MYO16: variants seen among roughly 807,000 people sequenced by gnomAD.
MYO16 encodes the protein unconventional myosin-XVI.
MYO16 carries 94 observed loss-of-function variants against 205.3 expected under a neutral mutation model. The observed-to-expected ratio is 0.46, with a 90% CI of 0.39 to 0.54. The LOEUF is 0.54. Ranked by LOEUF, MYO16 falls within the 20% of genes least tolerant of loss-of-function variation. MYO16 has a pLI of 0.00. For missense variants in MYO16, 2,315 were observed against 2,387.5 expected (o/e 0.97, Z 0.63); for synonymous variants, 988 against 954.0 (o/e 1.04, Z -0.66).
At chr13:109,190,593 AC>A (rs1879869283) in intron 34 of MYO16, among the ~76,000 whole-genome samples, 1 of 152,228 alleles carries the variant, frequency 6.6e-6, no homozygotes, top group African/African-American at 2.4e-5. Flanking sequence ...TTATTCCCTA[AC>A]TTTATTAGAT....
intron 34 of MYO16, among the ~76,000 whole-genome samples, chr13:109,204,425 A>C (rs1218079153): frequency 5.3e-5 from 8 of 152,206 alleles, no homozygotes; most frequent in Non-Finnish European, 1.0e-4. Flanking sequence ...AATGAGACTG[A>C]AGGGAATGTA....
At chr13:109,085,650 T>G (rs1177873299) in intron 27 of MYO16, among the ~76,000 whole-genome samples, 1 of 152,200 alleles carries the variant, frequency 6.6e-6, no homozygotes, top group East Asian at 1.9e-4. Context: ...TAAATGATAG[T>G]TTTAACCTTG....
intron 21 of MYO16, among the ~76,000 whole-genome samples, chr13:109,000,315 T>C: frequency 6.6e-6 from 1 of 152,316 alleles, no homozygotes; most frequent in East Asian, 1.9e-4. Flanking sequence ...TCTATATAAT[T>C]TTTAACTCTT....
At chr13:108,878,814 G>C (rs1291651534) in intron 12 of MYO16, among the ~76,000 whole-genome samples, 1 of 152,170 alleles carries the variant, frequency 6.6e-6, no homozygotes, top group Non-Finnish European at 1.5e-5. Flanking sequence ...TAAGGGGTTT[G>C]AGCACACACA....
intron 15 of MYO16, among the ~76,000 whole-genome samples, chr13:108,909,527 G>A (rs1011650418): frequency 2.0e-5 from 3 of 151,700 alleles, no homozygotes; most frequent in African/African-American, 7.3e-5. Flanking sequence ...CTGGCAGTGA[G>A]GGACCATGGT....
intron 4 of MYO16, among the ~76,000 whole-genome samples, chr13:108,762,567 T>C (rs1173010181): frequency 6.6e-6 from 1 of 152,232 alleles, no homozygotes; most frequent in Non-Finnish European, 1.5e-5. Flanking sequence ...TTGACTTGCA[T>C]TTCTCTGATG....
chr13:108,622,286 T>C (rs1172147616), intron 1 of MYO16, among the ~76,000 whole-genome samples: 1 of 152,190 alleles, frequency 6.6e-6, no homozygotes, highest in Non-Finnish European at 1.5e-5. Flanking sequence ...GTTGGAATTG[T>C]ACTTGTTGAG....
the MYO16 span, among the ~76,000 whole-genome samples, chr13:108,518,255 G>A: frequency 2.0e-5 from 3 of 152,132 alleles, no homozygotes; most frequent in South Asian, 2.1e-4. Context: ...TGACCAATGG[G>A]TGGTGTTGGA....
rs759339943 is a variant in MYO16 at position 108,712,656 on chromosome 13, T to A, written c.293-5T>A. On this transcript the variant is annotated splice_polypyrimidine_tract_variant and splice_region_variant and intron_variant, in intron 2 of 34. Coordinates refer to ENST00000457511, the MANE Select transcript of MYO16 (RefSeq NM_001198950.3). ...TAACTCCATTCTCCTCTCTGTTGTTTTCAGTGCTTCGGCTCCTGAAGGAGG... is the reference window on the plus strand; with the variant it reads ...TAACTCCATTCTCCTCTCTGTTGTTATCAGTGCTTCGGCTCCTGAAGGAGG... The A allele has an allele frequency of 6.2e-7, 1 of 1,613,824 alleles. No homozygotes were observed. The highest frequency in any genetic ancestry group is 8.5e-7 in the Non-Finnish European group (1 of 1,179,774).
At chr13:109,023,074 TTA>T (rs537515422) in intron 23 of MYO16, among the ~76,000 whole-genome samples, 2,036 of 132,888 alleles carry the variant, frequency 0.015, 64 homozygotes, top group African/African-American at 0.055. Context: ...TATTTATATA[TTA>T]TATATACACA....
At chr13:108,530,746 T>A in the MYO16 span, among the ~76,000 whole-genome samples, 1 of 152,238 alleles carries the variant, frequency 6.6e-6, no homozygotes, top group East Asian at 1.9e-4. Flanking sequence ...TATGTTATAC[T>A]TTTAATTACT....
chr13:108,583,152 G>T, the MYO16 span, among the ~76,000 whole-genome samples: 3 of 152,202 alleles, frequency 2.0e-5, no homozygotes, highest in African/African-American at 7.2e-5. Context: ...GAGCAAGAAT[G>T]ATTAGCTTGT....
intron 1 of MYO16, among the ~76,000 whole-genome samples, chr13:108,656,345 G>A (rs1881244353): frequency 6.6e-6 from 1 of 152,032 alleles, no homozygotes; most frequent in African/African-American, 2.4e-5. Flanking sequence ...AGTGCCTTTT[G>A]CCTCCTGCCA....
chr13:108,827,428 A>G (rs1214656316), intron 9 of MYO16, among the ~76,000 whole-genome samples: 1 of 152,152 alleles, frequency 6.6e-6, no homozygotes, highest in Non-Finnish European at 1.5e-5. Flanking sequence ...CACTTCCACT[A>G]TGGCCTGCTG....
chr13:108,936,430 T>C (rs1025833272), intron 16 of MYO16, among the ~76,000 whole-genome samples: 1 of 152,080 alleles, frequency 6.6e-6, no homozygotes, highest in African/African-American at 2.4e-5. Context: ...AGTGTTTCAG[T>C]TTCTCCCTGA....
chr13:109,062,360 G>A (rs1249461763), intron 27 of MYO16, among the ~76,000 whole-genome samples: 16 of 152,112 alleles, frequency 1.1e-4, no homozygotes, highest in African/African-American at 2.7e-4. Context: ...TTAAGTGGTC[G>A]TTCATTTTAA....
At chr13:108,620,429 A>T (rs1879496691) in intron 1 of MYO16, among the ~76,000 whole-genome samples, 1 of 152,170 alleles carries the variant, frequency 6.6e-6, no homozygotes, top group African/African-American at 2.4e-5. Context: ...AGCAGGGATG[A>T]ACCGTACTAA....
chr13:109,182,171 C>T (rs1465181459), intron 34 of MYO16, among the ~76,000 whole-genome samples: 1 of 152,118 alleles, frequency 6.6e-6, no homozygotes, highest in African/African-American at 2.4e-5. Context: ...CTTCAGTAGC[C>T]ATAATGGACA....
intron 1 of MYO16, among the ~76,000 whole-genome samples, chr13:108,605,471 G>A (rs184301527): frequency 3.3e-5 from 5 of 152,294 alleles, no homozygotes; most frequent in East Asian, 1.9e-4. Context: ...GAGGGTCCAC[G>A]TGGGAAGTGA....
Sources: gnomAD v4.1 joint callset for allele counts (sites outside exome capture counted in the v4.1 genomes callset) on GRCh38, gnomAD v4.1.1 for gene constraint, MANE v1.5 for transcripts, NCBI Gene and HGNC (gene_info 2026-07-23, HGNC 2026-07-21) for gene names.